The following KIAA0930 variants were observed in gnomAD, a reference collection of about 807,000 sequenced individuals.
The protein encoded by KIAA0930 is uncharacterized protein KIAA0930.
A neutral mutation model predicts 43.9 loss-of-function variants in KIAA0930; 24 were observed. That is an observed-to-expected ratio of 0.55 (90% CI 0.40 to 0.77). The LOEUF is 0.77. Ranked by LOEUF, KIAA0930 falls within the 30% of genes least tolerant of loss-of-function variation. KIAA0930 has a pLI of 0.00. For missense variants in KIAA0930, 461 were observed against 574.2 expected, an observed-to-expected ratio of 0.80 and a Z score of 2.02; for synonymous variants, 259 against 216.4, an observed-to-expected ratio of 1.20 and a Z score of -1.73.
chr22:45,203,253 C>A, intron 6 of KIAA0930, 69 bp from the exon 7 acceptor site: 1 of 1,455,358 alleles, frequency 6.9e-7, no homozygotes, highest in South Asian at 1.3e-5. Flanking sequence ...CTCCCCAGGA[C>A]ATGAACAGCC....
intron 8 of KIAA0930, among the ~76,000 whole-genome samples, chr22:45,198,659 T>C (rs1450144699): frequency 3.3e-5 from 5 of 151,652 alleles, no homozygotes; most frequent in African/African-American, 1.2e-4. Flanking sequence ...TCGTTTTTTT[T>C]TGTTTGTTTT....
Position 45,194,552 on chromosome 22 carries a change from C to G in KIAA0930, c.*2624G>C, listed in dbSNP as rs1475316886. 6.6e-6 allele frequency: 1 copy of G among 152,222 alleles called. No homozygotes were observed. Among genetic ancestry groups the G allele is most frequent in the Non-Finnish European group, 1.5e-5 (1 of 68,054 alleles). 9.4% of individuals were successfully genotyped at this position (152,222 alleles called of 1,614,324 possible). On this transcript the variant is annotated 3_prime_UTR_variant, in exon 10 of 10. Transcript: ENST00000336156. Reference sequence around the variant, plus strand: ...TGTTCCCAGAAAAATTAAAGATGGTCTTACAAGAAGTACAAATGTGCCAAC... The same window carrying G: ...TGTTCCCAGAAAAATTAAAGATGGTGTTACAAGAAGTACAAATGTGCCAAC...
At chr22:45,209,559 C>T (rs975347947) in intron 2 of KIAA0930, among the ~76,000 whole-genome samples, 13 of 152,294 alleles carry the variant, frequency 8.5e-5, no homozygotes, top group Middle Eastern at 3.4e-3. Flanking sequence ...CCACTGCTGC[C>T]CGCTCTCTCT....
intron 1 of KIAA0930, among the ~76,000 whole-genome samples, chr22:45,239,768 G>A (rs1426613538): frequency 1.3e-5 from 2 of 152,206 alleles, no homozygotes; most frequent in Admixed American, 6.5e-5. Flanking sequence ...CCTAGCCTGG[G>A]GGTGGGGTGG....
chr22:45,203,590 T>C (rs747550144), intron 6 of KIAA0930, among the ~76,000 whole-genome samples: 7 of 152,118 alleles, frequency 4.6e-5, no homozygotes, highest in Non-Finnish European at 1.0e-4. Flanking sequence ...CCCAGGGAAC[T>C]AGAGACTGAG....
At position 45,193,427 on chromosome 22, in the gene KIAA0930, GAAAA is replaced by G. The variant is rs563340918; in HGVS notation, c.*3745_*3748del. On this transcript the variant is annotated 3_prime_UTR_variant, in exon 10 of 10. Transcript: ENST00000336156. ...CCTTTCCTCTGGGACATCTTTTAAT[GAAAA>G]AAAAAAGTTTTACTTTGTTCTTCAA... 6.7e-6 allele frequency: 1 copy of G among 148,628 alleles called. No homozygotes were observed. Among genetic ancestry groups the G allele is most frequent in the Non-Finnish European group, 1.5e-5 (1 of 66,978 alleles). 9.2% of individuals were successfully genotyped at this position (148,628 alleles called of 1,614,324 possible). A position where few individuals can be genotyped will look rare whatever the true frequency, so the allele number is the denominator to read the frequency against.
intron 2 of KIAA0930, 88 bp from the exon 3 acceptor site, chr22:45,206,000 C>G (rs2083634950): frequency 3.9e-6 from 6 of 1,549,710 alleles, no homozygotes; most frequent in Non-Finnish European, 4.3e-6. Context: ...TTACGATGGA[C>G]AAGGACTCCA....
Position 45,217,091 on chromosome 22 carries a change from C to T in KIAA0930, c.65-4984G>A, listed in dbSNP as rs182227956. 2.5e-3 allele frequency among the ~76,000 whole-genome samples: 386 copies of T among 152,178 alleles called. 16 individuals are homozygous for T. The South Asian group carries it at 0.075, about 30-fold the overall frequency. ...ACACTTTATTTAAGGCCAGATGCGG[C>T]GGTTCATGCCTGTAATCCCAGCACC... On this transcript the variant is annotated intron_variant, in intron 1 of 9. Transcript: ENST00000336156.
In KIAA0930 at chr22:45,201,174, TAAAAG is replaced by T. The variant is rs562925765; in HGVS notation, c.853-1144_853-1140del. On this transcript the variant is annotated intron_variant, in intron 7 of 9. Transcript: ENST00000336156. ...CAAGCCGGGGAAGGTTTTTAAAAGA[TAAAAG>T]AAACAAACAGCAGCAACCACAATAC... 1.3e-3 allele frequency among the ~76,000 whole-genome samples: 193 copies of T among 152,262 alleles called. 1 individual carries two copies. Among genetic ancestry groups the T allele is most frequent in the African/African-American group, 4.5e-3 (188 of 41,548 alleles).
intron 1 of KIAA0930, chr22:45,226,108 GTCC>G (rs1469891783): frequency 2.6e-5 from 10 of 389,492 alleles, no homozygotes; most frequent in African/African-American, 1.9e-4. Context: ...GCCGAGCCCT[GTCC>G]TCGGTGCGTT....
chr22:45,226,779 C>CG (rs1257776747), intron 1 of KIAA0930: 1 of 157,894 alleles, frequency 6.3e-6, no homozygotes, highest in Non-Finnish European at 1.4e-5. Context: ...CTGACACTCA[C>CG]GCAAAGGTGC....
chr22:45,197,924 A>C lies in KIAA0930; in HGVS notation c.1040T>G (p.Leu347Arg). ...TGTGCCCGACAGGGACCGAGACCGCAGGTTGGTTGCATTGTGCAGATCGGC... is the reference window on the plus strand; with the variant it reads ...TGTGCCCGACAGGGACCGAGACCGCCGGTTGGTTGCATTGTGCAGATCGGC... ...GGADLHNATN[L>R]RSRSLSGTGR... The change falls in exon 9 of 10, where the codon CTG becomes CGG. Residue 347 changes from leucine (L) to arginine (R), a missense_variant. Transcript: ENST00000336156. The C allele has an allele frequency of 6.2e-7, 1 of 1,614,128 alleles. No homozygotes were observed. The highest frequency in any genetic ancestry group is 1.1e-5 in the South Asian group (1 of 91,078).
At chr22:45,217,277 C>T (rs1367495016) in intron 1 of KIAA0930, among the ~76,000 whole-genome samples, 1 of 143,704 alleles carries the variant, frequency 7.0e-6, no homozygotes, top group Non-Finnish European at 1.5e-5. Flanking sequence ...AGAAGAATCG[C>T]TTGAACCCGG....
Position 45,218,114 on chromosome 22 carries a change from C to A in KIAA0930, c.65-6007G>T, listed in dbSNP as rs527429953. Reference sequence around the variant, plus strand: ...CAGTGCTGGTTTCAGGAGCGAGGAACGTGATGACAGCTCGCGCGTGCCCTG... The same window carrying A: ...CAGTGCTGGTTTCAGGAGCGAGGAAAGTGATGACAGCTCGCGCGTGCCCTG... On this transcript the variant is annotated intron_variant, in intron 1 of 9. Transcript: ENST00000336156. 2.6e-5 allele frequency among the ~76,000 whole-genome samples: 4 copies of A among 152,258 alleles called. No homozygotes were observed. The East Asian group carries it at 5.8e-4, about 22-fold the overall frequency.
intron 1 of KIAA0930, among the ~76,000 whole-genome samples, chr22:45,216,455 G>A (rs16993704): frequency 0.14 from 21,798 of 151,790 alleles, 1,734 homozygotes; most frequent in East Asian, 0.21. Flanking sequence ...CACTGACACC[G>A]AGCACGGCAG....
intron 1 of KIAA0930, among the ~76,000 whole-genome samples, chr22:45,217,188 C>T (rs919335808): frequency 6.6e-6 from 1 of 151,852 alleles, no homozygotes; most frequent in African/African-American, 2.4e-5. Context: ...TCGCAAAACC[C>T]CATCTCTACT....
chr22:45,205,292 G>A lies in KIAA0930; in HGVS notation c.441C>T (p.His147=), dbSNP rs754482569. The A allele has an allele frequency of 1.9e-6, 3 of 1,614,100 alleles. No individual in the cohort carries two copies. Among genetic ancestry groups the A allele is most frequent in the East Asian group, 4.5e-5 (2 of 44,878 alleles). Residue 147 remains histidine, a synonymous_variant, in exon 5 of 10, where the codon CAC becomes CAT. Coordinates refer to ENST00000336156, the MANE Select transcript of KIAA0930 (RefSeq NM_001009880.2). The stretch of plus-strand genomic sequence containing the variant: ...ACTCCTCCCCCTTGCTGTCCATGGG[G>A]TGTTTACTGGGGGACGCGAACACTT... The part of the protein sequence containing the change: ...SQQVFASPSK[H]PMDSKGEESK...
At chr22:45,235,751 T>C (rs142113866) in intron 1 of KIAA0930, among the ~76,000 whole-genome samples, 2 of 152,330 alleles carry the variant, frequency 1.3e-5, no homozygotes, top group East Asian at 3.9e-4. Context: ...CTGTCACTTC[T>C]CTCATACAAT....
At chr22:45,214,885 G>A (rs1280819257) in intron 1 of KIAA0930, among the ~76,000 whole-genome samples, 4 of 152,116 alleles carry the variant, frequency 2.6e-5, no homozygotes, top group Non-Finnish European at 5.9e-5. Context: ...CTCCTGCCTG[G>A]GGGACAAAGT....
Sources: gnomAD v4.1 joint callset for allele counts (sites outside exome capture counted in the v4.1 genomes callset) on GRCh38, gnomAD v4.1.1 for gene constraint, MANE v1.5 for transcripts, NCBI Gene and HGNC (gene_info 2026-07-23, HGNC 2026-07-21) for gene names.